Variants in CACNA2D3 observed in about 807,000 individuals in gnomAD.
CACNA2D3 encodes the protein voltage-dependent calcium channel subunit alpha-2/delta-3.
In CACNA2D3, 60 loss-of-function variants were observed where a neutral mutation model predicts 160.6. The observed-to-expected ratio is 0.37, with a 90% CI of 0.30 to 0.46. The LOEUF is 0.46. Ranked by LOEUF, CACNA2D3 falls within the 20% of genes least tolerant of loss-of-function variation. CACNA2D3 has a pLI of 1.00. For synonymous variants in CACNA2D3, 558 were observed against 492.9 expected (o/e 1.13, Z -1.75); for missense variants, 1,205 against 1,365.0 (o/e 0.88, Z 1.85).
rs148752159 is a variant in CACNA2D3 at position 54,897,907 on chromosome 3, T to C, written c.2368+1037T>C. ...GAGAGGCTGAATGTTATTGATGAGA[T>C]TCTTTGCTGCTTGGGATTTCAGACT... On this transcript the variant is annotated intron_variant, in intron 26 of 37. Transcript: ENST00000474759. Among the ~76,000 whole-genome samples, 1,168 of 152,314 alleles carry C rather than the reference T, an allele frequency of 7.7e-3. 12 individuals are homozygous for C. The highest frequency in any genetic ancestry group is 0.012 in the Non-Finnish European group (822 of 68,032).
At chr3:54,472,119 C>T (rs1700743934) in intron 4 of CACNA2D3, among the ~76,000 whole-genome samples, 3 of 152,120 alleles carry the variant, frequency 2.0e-5, no homozygotes, top group South Asian at 2.1e-4. Context: ...GGCCAGTATC[C>T]CTGATGAACA....
At chr3:55,008,205 T>C (rs542977293) in intron 33 of CACNA2D3, among the ~76,000 whole-genome samples, 9 of 152,370 alleles carry the variant, frequency 5.9e-5, no homozygotes, top group South Asian at 4.1e-4. Flanking sequence ...CATGCCACTT[T>C]GGCTGTCTTG....
chr3:55,035,581 T>G (rs900963531), intron 35 of CACNA2D3, among the ~76,000 whole-genome samples: 22 of 152,314 alleles, frequency 1.4e-4, no homozygotes, highest in African/African-American at 4.1e-4. Context: ...CTCAAATGAA[T>G]TATGCTAATA....
intron 4 of CACNA2D3, among the ~76,000 whole-genome samples, chr3:54,387,147 G>A (rs1249037170): frequency 1.3e-5 from 2 of 152,210 alleles, no homozygotes; most frequent in African/African-American, 4.8e-5. Flanking sequence ...GTGACTGAAA[G>A]CAATACTGTG....
intron 12 of CACNA2D3, among the ~76,000 whole-genome samples, chr3:54,763,802 CATATATATACATAT>C (rs1702149184): frequency 3.0e-4 from 4 of 13,316 alleles, no homozygotes; most frequent in African/African-American, 9.4e-4. Context: ...TATATATGTA[CATATATATACATAT>C]ATATATACGT....
At chr3:54,455,150 G>GT (rs968541281) in intron 4 of CACNA2D3, among the ~76,000 whole-genome samples, 5 of 151,714 alleles carry the variant, frequency 3.3e-5, no homozygotes, top group East Asian at 1.9e-4. Context: ...TCTATTTTGA[G>GT]TTTTTTTTGA....
At chr3:54,258,856 GC>G (rs1702351128) in intron 2 of CACNA2D3, among the ~76,000 whole-genome samples, 1 of 152,158 alleles carries the variant, frequency 6.6e-6, no homozygotes, top group Admixed American at 6.5e-5. Flanking sequence ...GAAGTTTAAA[GC>G]CCCAGACAGT....
chr3:54,861,553 T>A (rs568177649), intron 17 of CACNA2D3, among the ~76,000 whole-genome samples: 1 of 152,186 alleles, frequency 6.6e-6, no homozygotes, highest in African/African-American at 2.4e-5. Context: ...TATGATCTGA[T>A]TTGGGTTGTG....
intron 35 of CACNA2D3, among the ~76,000 whole-genome samples, chr3:55,053,684 G>T (rs1704289270): frequency 6.6e-6 from 1 of 151,864 alleles, no homozygotes; most frequent in Non-Finnish European, 1.5e-5. Context: ...GTTTTTGGTA[G>T]GTTTGATTAC....
intron 4 of CACNA2D3, among the ~76,000 whole-genome samples, chr3:54,468,633 C>A (rs1055493362): frequency 6.6e-6 from 1 of 152,142 alleles, no homozygotes; most frequent in Non-Finnish European, 1.5e-5. Context: ...TGGTCTAGCT[C>A]AGCAGATCCC....
chr3:54,740,914 T>G (rs890215164), intron 11 of CACNA2D3, among the ~76,000 whole-genome samples: 2 of 152,228 alleles, frequency 1.3e-5, no homozygotes, highest in African/African-American at 2.4e-5. Context: ...CTCCTCGACC[T>G]GTAACCTGCT....
intron 3 of CACNA2D3, among the ~76,000 whole-genome samples, chr3:54,373,120 A>G (rs1163113875): frequency 6.6e-6 from 1 of 152,162 alleles, no homozygotes; most frequent in Non-Finnish European, 1.5e-5. Context: ...TCAGGATTTT[A>G]TTTCTGCACC....
intron 4 of CACNA2D3, among the ~76,000 whole-genome samples, chr3:54,405,098 T>TCTATA (rs71617800): frequency 4.0e-4 from 60 of 150,658 alleles, no homozygotes; most frequent in South Asian, 1.0e-3. Context: ...TACTAAAATG[T>TCTATA]CTATACTATA....
In CACNA2D3 at chr3:54,570,000, G is replaced by T; in HGVS notation, c.784G>T (p.Asp262Tyr). 6.2e-7 allele frequency: 1 copy of T among 1,613,990 alleles called. No individual in the cohort carries two copies. Among genetic ancestry groups the T allele is most frequent in the Non-Finnish European group, 8.5e-7 (1 of 1,179,882 alleles). ...TCCGAAAGACGTGGTCATTTTAGTT[G>T]ACGTCAGTGGCAGCATGAAAGGACT... The part of the protein sequence containing the change: ...TSPKDVVILV[D>Y]VSGSMKGLRL... The change falls in exon 8 of 38, where the codon GAC becomes TAC. Residue 262 changes from aspartate (D) to tyrosine (Y), a missense_variant. Transcript: ENST00000474759.
chr3:54,736,601 A>G (rs1292815092), intron 11 of CACNA2D3, among the ~76,000 whole-genome samples: 1 of 152,194 alleles, frequency 6.6e-6, no homozygotes, highest in African/African-American at 2.4e-5. Flanking sequence ...GATAGGCAAA[A>G]AACAAACAAA....
At chr3:54,546,213 G>C (rs1320693133) in intron 5 of CACNA2D3, among the ~76,000 whole-genome samples, 1 of 152,184 alleles carries the variant, frequency 6.6e-6, no homozygotes, top group Admixed American at 6.5e-5. Flanking sequence ...ATGCAGAAAA[G>C]AAATAAAGAC....
At chr3:54,233,421 A>G (rs767053490) in intron 2 of CACNA2D3, among the ~76,000 whole-genome samples, 2 of 152,338 alleles carry the variant, frequency 1.3e-5, no homozygotes, top group Non-Finnish European at 1.5e-5. Flanking sequence ...CAGAGCACCA[A>G]TGAATGCCAC....
intron 2 of CACNA2D3, among the ~76,000 whole-genome samples, chr3:54,280,160 C>A (rs1420125177): frequency 6.6e-6 from 1 of 152,082 alleles, no homozygotes; most frequent in Non-Finnish European, 1.5e-5. Flanking sequence ...CTGCTCACTA[C>A]AAGCTCTGCC....
At chr3:54,397,509 ATGTGG>A (rs1699378092) in intron 4 of CACNA2D3, among the ~76,000 whole-genome samples, 1 of 135,598 alleles carries the variant, frequency 7.4e-6, no homozygotes, top group Non-Finnish European at 1.6e-5. Flanking sequence ...AGATTCTGGT[ATGTGG>A]TGTCTTTGTT....
Sources: gnomAD v4.1 joint callset for allele counts (sites outside exome capture counted in the v4.1 genomes callset) on GRCh38, gnomAD v4.1.1 for gene constraint, MANE v1.5 for transcripts, NCBI Gene and HGNC (gene_info 2026-07-23, HGNC 2026-07-21) for gene names.